The following IL1RAPL2 variants were observed in gnomAD, a reference collection of about 807,000 sequenced individuals.
IL1RAPL2 encodes the protein X-linked interleukin-1 receptor accessory protein-like 2.
In IL1RAPL2, 3 loss-of-function variants were observed where a neutral mutation model predicts 44.1. The observed-to-expected ratio is 0.07, with a 90% CI of 0.03 to 0.18. IL1RAPL2 has a LOEUF of 0.18. Ranked by LOEUF, IL1RAPL2 falls within the 10% of genes least tolerant of loss-of-function variation. The pLI is 1.00. For synonymous variants in IL1RAPL2, 181 were observed against 178.8 expected (o/e 1.01, Z -0.10); for missense variants, 391 against 496.4 (o/e 0.79, Z 2.02).
chrX:104,678,411 C>T (rs1452358918), intron 2 of IL1RAPL2, among the ~76,000 whole-genome samples: 1 of 111,603 alleles, frequency 9.0e-6, no homozygotes, highest in Non-Finnish European at 1.9e-5. Context: ...AAGTAGAACC[C>T]CATTTGTCAG....
chrX:105,565,629 A>G (rs941852801), intron 6 of IL1RAPL2, among the ~76,000 whole-genome samples: 1 of 112,314 alleles, frequency 8.9e-6, no homozygotes, highest in African/African-American at 3.2e-5. Context: ...CAATGGTCGC[A>G]TAGCTGAATG....
chrX:105,070,843 T>C (rs998753154), intron 2 of IL1RAPL2, among the ~76,000 whole-genome samples: 2 of 110,358 alleles, frequency 1.8e-5, no homozygotes, highest in Non-Finnish European at 3.8e-5. Context: ...CTGATATACA[T>C]CTTTCCAGTT....
intron 5 of IL1RAPL2, among the ~76,000 whole-genome samples, chrX:105,476,653 GA>G (rs2036199610): frequency 2.7e-5 from 3 of 112,047 alleles, no homozygotes; most frequent in Non-Finnish European, 5.6e-5. Flanking sequence ...TTTTGGTAGA[GA>G]AAATGATTAT....
chrX:104,669,647 G>GT (rs1320419638), intron 2 of IL1RAPL2, among the ~76,000 whole-genome samples: 3 of 111,529 alleles, frequency 2.7e-5, no homozygotes, highest in South Asian at 3.8e-4. Context: ...GAATCTGTTG[G>GT]TTTTTTGTTC....
At chrX:105,572,562 A>G (rs2037022080) in intron 6 of IL1RAPL2, among the ~76,000 whole-genome samples, 1 of 112,401 alleles carries the variant, frequency 8.9e-6, no homozygotes, top group Admixed American at 9.5e-5. Flanking sequence ...GCTTAGTTCT[A>G]TAAAAGGATT....
At chrX:105,185,470 A>G (rs1189902893) in intron 2 of IL1RAPL2, among the ~76,000 whole-genome samples, 1 of 111,849 alleles carries the variant, frequency 8.9e-6, no homozygotes, top group East Asian at 2.8e-4. Context: ...TATCTTCCCA[A>G]CCTTGAAACT....
intron 5 of IL1RAPL2, among the ~76,000 whole-genome samples, chrX:105,437,771 A>G (rs1164703749): frequency 2.7e-5 from 3 of 111,831 alleles, no homozygotes; most frequent in Non-Finnish European, 5.6e-5. Context: ...GAACAACAGT[A>G]AAATATAAAG....
At chrX:104,626,409 T>A (rs1929508585) in intron 1 of IL1RAPL2, among the ~76,000 whole-genome samples, 1 of 109,940 alleles carries the variant, frequency 9.1e-6, no homozygotes. Flanking sequence ...GATGGTTTGT[T>A]TTTTATTTTA....
chrX:105,439,215 T>C (rs143886174), intron 5 of IL1RAPL2, among the ~76,000 whole-genome samples: 12 of 111,601 alleles, frequency 1.1e-4, no homozygotes, highest in African/African-American at 3.9e-4. Flanking sequence ...TAATATAGTG[T>C]TCCTACCCTG....
intron 2 of IL1RAPL2, among the ~76,000 whole-genome samples, chrX:104,903,036 G>A (rs974684772): frequency 1.8e-5 from 2 of 111,395 alleles, no homozygotes; most frequent in African/African-American, 6.5e-5. Flanking sequence ...ATACTGTTCA[G>A]CAAGCTTATT....
chrX:105,519,391 GA>G (rs1198326987), intron 6 of IL1RAPL2, among the ~76,000 whole-genome samples: 1 of 111,461 alleles, frequency 9.0e-6, no homozygotes, highest in Non-Finnish European at 1.9e-5. Context: ...TCAGAGGGGG[GA>G]TGGTAAGAAT....
intron 2 of IL1RAPL2, among the ~76,000 whole-genome samples, chrX:105,016,257 A>C (rs1438897178): frequency 9.0e-6 from 1 of 111,536 alleles, no homozygotes; most frequent in South Asian, 3.8e-4. Flanking sequence ...TGTTATCTGG[A>C]AACAGAGACA....
At chrX:105,431,291 T>C (rs2035845518) in intron 5 of IL1RAPL2, among the ~76,000 whole-genome samples, 1 of 112,071 alleles carries the variant, frequency 8.9e-6, no homozygotes, top group Admixed American at 9.5e-5. Flanking sequence ...TGCCACAAAG[T>C]TTCTAGCATA....
chrX:105,278,205 G>T (rs2034501290), intron 5 of IL1RAPL2, among the ~76,000 whole-genome samples: 1 of 111,690 alleles, frequency 9.0e-6, no homozygotes, highest in South Asian at 3.8e-4. Flanking sequence ...AGCTGGGGTT[G>T]AACAAGTTAG....
At chrX:105,327,253 G>A (rs956648107) in intron 5 of IL1RAPL2, among the ~76,000 whole-genome samples, 1 of 111,845 alleles carries the variant, frequency 8.9e-6, no homozygotes, top group African/African-American at 3.3e-5. Context: ...ACAGAAGCTA[G>A]AGCCTTTCGT....
intron 2 of IL1RAPL2, among the ~76,000 whole-genome samples, chrX:104,761,978 CTTCT>C (rs1387004723): frequency 1.9e-4 from 18 of 95,997 alleles, no homozygotes; most frequent in South Asian, 5.2e-4. Flanking sequence ...TCTTCTTCTT[CTTCT>C]TCCTCCTCCT....
chrX:105,034,678 C>T (rs1328453186), intron 2 of IL1RAPL2, among the ~76,000 whole-genome samples: 2 of 112,416 alleles, frequency 1.8e-5, no homozygotes, highest in African/African-American at 6.5e-5. Context: ...AGTTAGGCTA[C>T]TCTGGGGTCA....
chrX:104,729,421 C>A (rs1238690691), intron 2 of IL1RAPL2, among the ~76,000 whole-genome samples: 1 of 104,557 alleles, frequency 9.6e-6, no homozygotes, highest in African/African-American at 3.5e-5. Context: ...CAAATGATAG[C>A]CCACAGCCCA....
At chrX:105,460,974 C>A (rs995278421) in intron 5 of IL1RAPL2, among the ~76,000 whole-genome samples, 1 of 111,938 alleles carries the variant, frequency 8.9e-6, no homozygotes, top group African/African-American at 3.2e-5. Context: ...ATTGAAGGAA[C>A]ACAGACACTT....
Sources: allele counts gnomAD v4.1 joint callset (sites outside exome capture counted in the v4.1 genomes callset), GRCh38; gene constraint gnomAD v4.1.1; transcripts MANE v1.5; gene names NCBI Gene and HGNC (gene_info 2026-07-23, HGNC 2026-07-21).